The following ZNF267 variants were observed in gnomAD, a reference collection of about 807,000 sequenced individuals.
ZNF267 encodes the protein zinc finger (C2H2).
In ZNF267, 61 loss-of-function variants were observed where a neutral mutation model predicts 71.6. The observed-to-expected ratio is 0.85, with a 90% confidence interval of 0.69 to 1.05. The LOEUF is 1.05. Ranked by LOEUF, ZNF267 falls within the 50% of genes least tolerant of loss-of-function variation. The pLI, the probability that ZNF267 is intolerant of heterozygous loss-of-function variation, is 0.00. For synonymous variants in ZNF267, 288 were observed against 293.2 expected (o/e 0.98, Z 0.18); for missense variants, 852 against 870.0 (o/e 0.98, Z 0.26).
intron 3 of ZNF267, among the ~76,000 whole-genome samples, chr16:31,892,854 T>G (rs1160994886): frequency 6.6e-6 from 1 of 152,212 alleles, no homozygotes; most frequent in Non-Finnish European, 1.5e-5. Flanking sequence ...CCTGGCCGCT[T>G]TTACTGGCTG....
At chr16:31,875,435 C>A in intron 1 of ZNF267, 1 of 774,142 alleles carries the variant, frequency 1.3e-6, no homozygotes, top group Non-Finnish European at 1.8e-6. Context: ...TAGTTTTCAT[C>A]CCTTGGAGAC....
intron 3 of ZNF267, among the ~76,000 whole-genome samples, chr16:31,892,821 G>T (rs955865222): frequency 6.6e-6 from 1 of 152,256 alleles, no homozygotes; most frequent in Non-Finnish European, 1.5e-5. Context: ...TGCCCCTGTG[G>T]CTTTGCAGGG....
chr16:31,886,296 A>G (rs1025574515), intron 3 of ZNF267, among the ~76,000 whole-genome samples: 3 of 152,176 alleles, frequency 2.0e-5, no homozygotes, highest in African/African-American at 4.8e-5. Flanking sequence ...AATCTCAAGT[A>G]TACTGTAGTG....
At chr16:31,876,521 G>C (rs557059259) in intron 1 of ZNF267, among the ~76,000 whole-genome samples, 3 of 152,286 alleles carry the variant, frequency 2.0e-5, no homozygotes, top group South Asian at 4.1e-4. Context: ...GCCTGGCCTT[G>C]GATGTATGGC....
rs546195862 is a variant in ZNF267, at chr16:31,883,377, TCTTA to T, written c.4-1117_4-1114del. ...AAATTTTATTTACACAGAAATATTA[TCTTA>T]CTTTTAGTGTGTATATAGTTACCAT... On this transcript the variant is annotated intron_variant, in intron 1 of 3. Coordinates refer to ENST00000300870, the MANE Select transcript of ZNF267 (RefSeq NM_003414.6). 1.9e-3 allele frequency among the ~76,000 whole-genome samples: 294 copies of T among 152,320 alleles called. 2 individuals are homozygous for T. Among genetic ancestry groups the T allele is most frequent in the African/African-American group, 6.6e-3 (275 of 41,574 alleles).
intron 1 of ZNF267, among the ~76,000 whole-genome samples, chr16:31,874,689 G>A (rs1026173350): frequency 6.6e-6 from 1 of 152,186 alleles, no homozygotes; most frequent in African/African-American, 2.4e-5. Flanking sequence ...AACCACTTCC[G>A]TATAATCGCC....
Position 31,897,798 on chromosome 16 carries a change from A to T in ZNF267, c.226+12542A>T, listed in dbSNP as rs2084011153. On this transcript the variant is annotated intron_variant, in intron 3 of 3. Transcript: ENST00000300870. ...CCTGCCAGTTTTCTTTTCATTTTTAACTTAAAGCTATTCTGTTGTAGTCAA... is the reference window on the plus strand; with the variant it reads ...CCTGCCAGTTTTCTTTTCATTTTTATCTTAAAGCTATTCTGTTGTAGTCAA... Among the ~76,000 whole-genome samples the T allele has an allele frequency of 2.0e-5, 3 of 152,188 alleles. No homozygotes were observed. In the South Asian group the frequency reaches 6.2e-4, roughly 32 times the overall value.
intron 3 of ZNF267, among the ~76,000 whole-genome samples, chr16:31,893,899 GA>G (rs2083978150): frequency 6.6e-6 from 1 of 152,188 alleles, no homozygotes; most frequent in African/African-American, 2.4e-5. Context: ...TCACAGACAG[GA>G]CCAAATTCTG....
chr16:31,909,009 G>C (rs1033037091), intron 3 of ZNF267, among the ~76,000 whole-genome samples: 3 of 150,508 alleles, frequency 2.0e-5, no homozygotes, highest in Non-Finnish European at 4.4e-5. Context: ...GTTTCGAGTA[G>C]TATGGATATT....
At chr16:31,904,732 T>C (rs1052754995) in intron 3 of ZNF267, among the ~76,000 whole-genome samples, 12 of 152,342 alleles carry the variant, frequency 7.9e-5, no homozygotes, top group African/African-American at 1.9e-4. Flanking sequence ...GTCTTGACTC[T>C]TTATCCAATT....
At chr16:31,893,944 G>C (rs1164807804) in intron 3 of ZNF267, among the ~76,000 whole-genome samples, 1 of 152,204 alleles carries the variant, frequency 6.6e-6, no homozygotes, top group African/African-American at 2.4e-5. Flanking sequence ...GTGGGTATAA[G>C]TTGTCCTCTG....
chr16:31,901,153 G>A (rs1407912558), intron 3 of ZNF267, among the ~76,000 whole-genome samples: 3 of 152,032 alleles, frequency 2.0e-5, no homozygotes, highest in Non-Finnish European at 4.4e-5. Flanking sequence ...TGGCTGCATA[G>A]TATTCCATGG....
At position 31,916,261 on chromosome 16, in the gene ZNF267, C is replaced by G. The variant is rs772355279; in HGVS notation, c.2012C>G (p.Ser671Cys). The change falls in exon 4 of 4, where the codon TCT (serine) becomes TGT (cysteine). Residue 671 changes from serine to cysteine, a missense_variant. Ser to Cys is a moderately radical substitution (Grantham distance 112, BLOSUM62 -1). Coordinates refer to ENST00000300870, the MANE Select transcript of ZNF267 (RefSeq NM_003414.6). ...KCEECGKAFNSRSYLTTHRRR... is the reference protein window; with the variant it reads ...KCEECGKAFNCRSYLTTHRRR... ...GAAGAATGTGGCAAAGCCTTCAACT[C>G]TAGGTCATACCTCACTACACATCGG... is the stretch of plus-strand genomic sequence containing the variant. 3.1e-6 allele frequency: 5 copies of G among 1,611,822 alleles called. No homozygotes were observed. Among genetic ancestry groups the G allele is most frequent in the African/African-American group, 2.7e-5 (2 of 74,152 alleles).
At chr16:31,906,956 A>C (rs1398013001) in intron 3 of ZNF267, among the ~76,000 whole-genome samples, 1 of 151,954 alleles carries the variant, frequency 6.6e-6, no homozygotes, top group Admixed American at 6.6e-5. Flanking sequence ...TCATTTTTAA[A>C]GTATAGTTTG....
intron 3 of ZNF267, among the ~76,000 whole-genome samples, chr16:31,899,838 T>C (rs1341216428): frequency 1.3e-5 from 2 of 152,182 alleles, no homozygotes; most frequent in African/African-American, 2.4e-5. Flanking sequence ...ATAAATGATA[T>C]ACTCATATGA....
chr16:31,913,618 C>T (rs140820766), intron 3 of ZNF267: 12 of 152,256 alleles, frequency 7.9e-5, no homozygotes, highest in East Asian at 7.7e-4. Context: ...TTATTTATCT[C>T]GTGTTCTATT....
intron 3 of ZNF267, among the ~76,000 whole-genome samples, chr16:31,908,009 C>T (rs1366418758): frequency 6.6e-6 from 1 of 151,574 alleles, no homozygotes; most frequent in Non-Finnish European, 1.5e-5. Context: ...CGCCACTGCA[C>T]TGCAGCCTGG....
At chr16:31,902,426 G>C (rs1209344717) in intron 3 of ZNF267, among the ~76,000 whole-genome samples, 1 of 152,174 alleles carries the variant, frequency 6.6e-6, no homozygotes, top group Non-Finnish European at 1.5e-5. Flanking sequence ...CTACCCATGA[G>C]CATGGAATGT....
At chr16:31,887,356 G>A (rs1222762186) in intron 3 of ZNF267, among the ~76,000 whole-genome samples, 1 of 149,780 alleles carries the variant, frequency 6.7e-6, no homozygotes, top group Admixed American at 6.7e-5. Flanking sequence ...GCTTTTTCAT[G>A]TTCTGTGTTT....
Sources: gnomAD v4.1 joint callset for allele counts (sites outside exome capture counted in the v4.1 genomes callset) on GRCh38, gnomAD v4.1.1 for gene constraint, MANE v1.5 for transcripts, NCBI Gene and HGNC (gene_info 2026-07-23, HGNC 2026-07-21) for gene names.